The following TWSG1 variants were observed in gnomAD, a reference collection of about 807,000 sequenced individuals.
TWSG1 encodes the protein twisted gastrulation BMP signaling modulator 1, also known as twisted gastrulation protein homolog 1.
TWSG1 carries 15 observed loss-of-function variants against 23.0 expected under a neutral mutation model. The ratio of observed to expected loss-of-function variants is 0.65; its 90% CI spans 0.44 to 1.00. The LOEUF (loss-of-function observed/expected upper bound fraction) is 1.00, where lower values mean the gene tolerates loss of function less well. Ranked by LOEUF, TWSG1 falls within the 50% of genes least tolerant of loss-of-function variation. The pLI is 0.00. For synonymous variants in TWSG1, 86 were observed against 92.8 expected, an observed-to-expected ratio of 0.93 and a Z score of 0.42; for missense variants, 242 against 278.7, an observed-to-expected ratio of 0.87 and a Z score of 0.94.
chr18:9,377,135 C>T (rs780923600), intron 3 of TWSG1, among the ~76,000 whole-genome samples: 9 of 152,034 alleles, frequency 5.9e-5, no homozygotes, highest in Admixed American at 5.9e-4. Context: ...ACAGATCTAT[C>T]AAGGGATGAC....
intron 4 of TWSG1, among the ~76,000 whole-genome samples, chr18:9,398,016 A>C (rs1239080506): frequency 6.6e-6 from 1 of 151,430 alleles, no homozygotes; most frequent in East Asian, 1.9e-4. Context: ...AAAAAAAAAA[A>C]AAAAAAAAAA....
chr18:9,383,211 T>G (rs2040667407), intron 3 of TWSG1, among the ~76,000 whole-genome samples: 2 of 149,998 alleles, frequency 1.3e-5, no homozygotes, highest in Admixed American at 1.3e-4. Flanking sequence ...TTTTTTTTTT[T>G]TGAGATGGAG....
chr18:9,381,196 A>G (rs1046295593), intron 3 of TWSG1, among the ~76,000 whole-genome samples: 4 of 152,224 alleles, frequency 2.6e-5, no homozygotes, highest in Non-Finnish European at 4.4e-5. Flanking sequence ...TGTGAATCCC[A>G]TCAGCTTTTC....
At chr18:9,361,284 G>T (rs1255892150) in intron 3 of TWSG1, among the ~76,000 whole-genome samples, 1 of 151,940 alleles carries the variant, frequency 6.6e-6, no homozygotes, top group East Asian at 1.9e-4. Context: ...TGTTTTATAT[G>T]TAACATATTT....
At chr18:9,358,259 T>C (rs895819161) in intron 2 of TWSG1, among the ~76,000 whole-genome samples, 1 of 152,020 alleles carries the variant, frequency 6.6e-6, no homozygotes, top group Admixed American at 6.6e-5. Context: ...CACAGGATAA[T>C]TTTTTACCTC....
chr18:9,382,509 T>C (rs1254557332), intron 3 of TWSG1, among the ~76,000 whole-genome samples: 1 of 150,972 alleles, frequency 6.6e-6, no homozygotes, highest in East Asian at 1.9e-4. Context: ...GGTGACAGAG[T>C]GAGACTCTGT....
chr18:9,380,437 T>C (rs762617565), intron 3 of TWSG1, among the ~76,000 whole-genome samples: 5 of 152,196 alleles, frequency 3.3e-5, no homozygotes, highest in Non-Finnish European at 7.3e-5. Flanking sequence ...TTATTCAGCT[T>C]CTTGTGAAGA....
intron 2 of TWSG1, among the ~76,000 whole-genome samples, chr18:9,345,814 A>G (rs2040474406): frequency 1.3e-5 from 2 of 152,204 alleles, no homozygotes; most frequent in South Asian, 4.1e-4. Context: ...AAAAAAATAT[A>G]TAATAGACTT....
intron 2 of TWSG1, among the ~76,000 whole-genome samples, chr18:9,339,572 C>T (rs756007413): frequency 1.3e-4 from 20 of 152,250 alleles, no homozygotes; most frequent in South Asian, 2.1e-4. Flanking sequence ...TCTGCCACCT[C>T]GGCCTCCCAA....
Position 9,360,075 on chromosome 18 carries a change from A to T in TWSG1, c.223+4A>T. 2 of 1,607,020 alleles carry T rather than the reference A, an allele frequency of 1.2e-6. No individual in the cohort carries two copies. Among genetic ancestry groups the T allele is most frequent in the Non-Finnish European group, 8.5e-7 (1 of 1,174,000 alleles). ...GACGAGTGCTGTGACTGTGTTGGTA[A>T]GTTGATACCAAGGGAGACTTCTTAA... On this transcript the variant is annotated splice_donor_region_variant and intron_variant, in intron 3 of 4. Coordinates refer to ENST00000262120, the MANE Select transcript of TWSG1 (RefSeq NM_020648.6).
chr18:9,342,996 AAGAAGTCTGAT>A (rs1352722083), intron 2 of TWSG1, among the ~76,000 whole-genome samples: 1 of 152,136 alleles, frequency 6.6e-6, no homozygotes, highest in Non-Finnish European at 1.5e-5. Context: ...TATTGCCAAT[AAGAAGTCTGAT>A]GCCAGTCTGT....
At chr18:9,343,995 G>T (rs933876355) in intron 2 of TWSG1, among the ~76,000 whole-genome samples, 6 of 152,084 alleles carry the variant, frequency 3.9e-5, no homozygotes, top group African/African-American at 1.4e-4. Flanking sequence ...TGAACTCCTG[G>T]GCTCAAACGA....
intron 3 of TWSG1, among the ~76,000 whole-genome samples, chr18:9,376,970 C>T (rs1219066701): frequency 3.3e-5 from 5 of 151,884 alleles, no homozygotes; most frequent in Admixed American, 6.6e-5. Context: ...TATGTTTACA[C>T]TGTATTATGT....
In TWSG1 at chr18:9,401,627, T is replaced by A. The variant is rs539078767; in HGVS notation, c.*2100T>A. On this transcript the variant is annotated 3_prime_UTR_variant, in exon 5 of 5. Coordinates refer to ENST00000262120, the MANE Select transcript of TWSG1 (RefSeq NM_020648.6). Reference sequence around the variant, plus strand: ...AGATCTTTTGCCTTCAAATTTGGCTTATTTTTTCTGATTTATGAGGGTTTG... The same window carrying A: ...AGATCTTTTGCCTTCAAATTTGGCTAATTTTTTCTGATTTATGAGGGTTTG... 1.3e-5 allele frequency: 2 copies of A among 152,324 alleles called. No homozygotes were observed. The highest frequency in any genetic ancestry group is 4.1e-4 in the South Asian group (2 of 4,832). 9.4% of individuals were successfully genotyped at this position (152,324 alleles called of 1,614,324 possible). A position where few individuals can be genotyped will look rare whatever the true frequency, so the allele number is the denominator to read the frequency against.
intron 2 of TWSG1, among the ~76,000 whole-genome samples, chr18:9,353,066 T>G (rs1271129595): frequency 6.6e-6 from 1 of 152,218 alleles, no homozygotes; most frequent in Non-Finnish European, 1.5e-5. Flanking sequence ...TGTGTTATAA[T>G]TGCTTACAGT....
chr18:9,337,031 A>G (rs1434545843), intron 1 of TWSG1, among the ~76,000 whole-genome samples, 162 bp from the exon 2 acceptor site: 1 of 152,204 alleles, frequency 6.6e-6, no homozygotes, highest in African/African-American at 2.4e-5. Context: ...CTATGATCAC[A>G]CCACTGTACT....
intron 3 of TWSG1, among the ~76,000 whole-genome samples, chr18:9,395,348 C>T (rs908299988): frequency 1.3e-5 from 2 of 152,188 alleles, no homozygotes; most frequent in East Asian, 1.9e-4. Flanking sequence ...GGAGAACTTT[C>T]CAAGAATACA....
At chr18:9,362,549 A>G (rs188480606) in intron 3 of TWSG1, among the ~76,000 whole-genome samples, 60 of 152,366 alleles carry the variant, frequency 3.9e-4, no homozygotes, top group Non-Finnish European at 8.4e-4. Flanking sequence ...GCCAAAATAC[A>G]CAAATGAACT....
intron 3 of TWSG1, among the ~76,000 whole-genome samples, chr18:9,369,342 C>T (rs2040594173): frequency 6.6e-6 from 1 of 152,020 alleles, no homozygotes; most frequent in African/African-American, 2.4e-5. Context: ...GATCTTGGCT[C>T]ACTGCAGCCT....
Sources: allele counts gnomAD v4.1 joint callset (sites outside exome capture counted in the v4.1 genomes callset), GRCh38; gene constraint gnomAD v4.1.1; transcripts MANE v1.5; gene names NCBI Gene and HGNC (gene_info 2026-07-23, HGNC 2026-07-21).